Variants in LYPD6 observed in about 807,000 individuals in gnomAD.
LYPD6 encodes ly6/PLAUR domain-containing protein 6.
Under a neutral mutation model 22.7 loss-of-function variants are expected in LYPD6, and 15 were observed. That is an observed-to-expected ratio of 0.66 (90% confidence interval 0.44 to 1.02). The LOEUF (loss-of-function observed/expected upper bound fraction) is 1.02, where lower values mean the gene tolerates loss of function less well. Among genes scored for constraint, LYPD6 ranks in the 50% least tolerant of loss-of-function variants. LYPD6 has a pLI of 0.00. For missense variants in LYPD6, 189 were observed against 208.4 expected (o/e 0.91, Z 0.57); for synonymous variants, 72 against 77.5 (o/e 0.93, Z 0.37).
chr2:149,474,499 C>A (rs928453255), downstream of LYPD6, among the ~76,000 whole-genome samples: 1 of 152,274 alleles, frequency 6.6e-6, no homozygotes, highest in African/African-American at 2.4e-5. Context: ...TGAGCCACTG[C>A]ACCCAATCTC....
intron 1 of LYPD6, among the ~76,000 whole-genome samples, chr2:149,335,155 A>G (rs1417895322): frequency 2.6e-5 from 4 of 152,082 alleles, no homozygotes; most frequent in South Asian, 4.1e-4. Flanking sequence ...TTTAAAGTGA[A>G]CTGTAAACAG....
At chr2:149,394,184 C>T (rs1682375836) in intron 1 of LYPD6, among the ~76,000 whole-genome samples, 2 of 152,174 alleles carry the variant, frequency 1.3e-5, no homozygotes, top group African/African-American at 2.4e-5. Context: ...GCTGCACAGT[C>T]CTGTGGAGAA....
At chr2:149,451,139 C>G (rs1302272487) in intron 3 of LYPD6, among the ~76,000 whole-genome samples, 1 of 152,088 alleles carries the variant, frequency 6.6e-6, no homozygotes, top group East Asian at 1.9e-4. Flanking sequence ...GATCAAGGTG[C>G]CGGCAGGTTC....
chr2:149,435,321 G>T (rs921626240), intron 1 of LYPD6, among the ~76,000 whole-genome samples: 1 of 152,174 alleles, frequency 6.6e-6, no homozygotes, highest in Non-Finnish European at 1.5e-5. Flanking sequence ...TCTTAATTTT[G>T]TATTTTCCTC....
At chr2:149,424,262 T>A (rs533001069) in intron 1 of LYPD6, among the ~76,000 whole-genome samples, 67 of 152,288 alleles carry the variant, frequency 4.4e-4, no homozygotes, top group African/African-American at 1.4e-3. Context: ...AATCAGATGA[T>A]GTCCATAAAA....
At chr2:149,399,603 A>G (rs1012688701) in intron 1 of LYPD6, among the ~76,000 whole-genome samples, 2 of 151,944 alleles carry the variant, frequency 1.3e-5, no homozygotes, top group African/African-American at 4.8e-5. Context: ...GGAGTAAACT[A>G]TTGGCCCAGA....
At chr2:149,354,406 C>T (rs1464260483) in intron 1 of LYPD6, among the ~76,000 whole-genome samples, 1 of 152,112 alleles carries the variant, frequency 6.6e-6, no homozygotes, top group Non-Finnish European at 1.5e-5. Flanking sequence ...CGGGGTTTTA[C>T]CATGTTGGCC....
chr2:149,389,828 GA>G (rs760089766), intron 1 of LYPD6, among the ~76,000 whole-genome samples: 1 of 152,044 alleles, frequency 6.6e-6, no homozygotes, highest in Non-Finnish European at 1.5e-5. Flanking sequence ...GTTAGTTCAG[GA>G]CCCCAAGCCC....
intron 1 of LYPD6, among the ~76,000 whole-genome samples, chr2:149,375,705 CAG>C (rs1030804032): frequency 6.6e-6 from 1 of 152,094 alleles, no homozygotes; most frequent in African/African-American, 2.4e-5. Flanking sequence ...TATAAAGAGA[CAG>C]TGTTGTTATT....
chr2:149,372,186 T>G (rs1485961485), intron 1 of LYPD6, among the ~76,000 whole-genome samples: 6 of 152,252 alleles, frequency 3.9e-5, no homozygotes, highest in African/African-American at 1.4e-4. Flanking sequence ...CAGGTGAGGC[T>G]TTATCAGACT....
intron 4 of LYPD6, among the ~76,000 whole-genome samples, chr2:149,470,146 G>A (rs1681298045): frequency 6.6e-6 from 1 of 152,148 alleles, no homozygotes; most frequent in African/African-American, 2.4e-5. Context: ...GTAAGGTGGT[G>A]TAAAGCAGGA....
chr2:149,428,337 T>C (rs916010336), intron 1 of LYPD6, among the ~76,000 whole-genome samples: 1 of 152,194 alleles, frequency 6.6e-6, no homozygotes, highest in African/African-American at 2.4e-5. Flanking sequence ...ATTTATTGGA[T>C]GGATATTAAG....
intron 3 of LYPD6, among the ~76,000 whole-genome samples, chr2:149,459,741 A>C (rs577097054): frequency 2.6e-4 from 40 of 152,068 alleles, no homozygotes; most frequent in Non-Finnish European, 4.7e-4. Flanking sequence ...ATCTCTACTA[A>C]AAATACAAAA....
In LYPD6 at chr2:149,392,579, A is replaced by G. The variant is rs1011117126; in HGVS notation, c.-71-45059A>G. 7.2e-5 allele frequency among the ~76,000 whole-genome samples: 11 copies of G among 152,170 alleles called. No individual in the cohort carries two copies. The South Asian group carries it at 1.5e-3, about 20-fold the overall frequency. The stretch of plus-strand genomic sequence containing the variant: ...ACGGATGGGAGAGAGTGTTGTCCCC[A>G]TTGCCATAAGCAGAATGCAGACGTG... On this transcript the variant is annotated intron_variant, in intron 1 of 4. Coordinates refer to ENST00000334166, the MANE Select transcript of LYPD6 (RefSeq NM_194317.5).
At chr2:149,392,296 C>T (rs1377584556) in intron 1 of LYPD6, among the ~76,000 whole-genome samples, 1 of 152,202 alleles carries the variant, frequency 6.6e-6, no homozygotes, top group Non-Finnish European at 1.5e-5. Flanking sequence ...CCATTCAGTA[C>T]ATAGCATAAT....
At chr2:149,456,253 T>C (rs1193954583) in intron 3 of LYPD6, among the ~76,000 whole-genome samples, 1 of 152,230 alleles carries the variant, frequency 6.6e-6, no homozygotes, top group South Asian at 2.1e-4. Context: ...TTGGGCTCTT[T>C]TTTTCTTTCG....
At chr2:149,337,877 T>G (rs1284382556) in intron 1 of LYPD6, among the ~76,000 whole-genome samples, 1 of 152,218 alleles carries the variant, frequency 6.6e-6, no homozygotes, top group Non-Finnish European at 1.5e-5. Context: ...TATAAGAGCA[T>G]GTGGTATTAG....
chr2:149,359,956 G>A (rs1057508522), intron 1 of LYPD6, among the ~76,000 whole-genome samples: 4 of 152,086 alleles, frequency 2.6e-5, no homozygotes, highest in African/African-American at 9.7e-5. Flanking sequence ...CAGCGGCATG[G>A]GCTGCTCACC....
intron 1 of LYPD6, among the ~76,000 whole-genome samples, chr2:149,420,706 T>C (rs1449404322): frequency 1.3e-5 from 2 of 152,136 alleles, no homozygotes; most frequent in Non-Finnish European, 2.9e-5. Context: ...GCCTACTTCC[T>C]TTCCCCAAAG....
Sources: gnomAD v4.1 joint callset for allele counts (sites outside exome capture counted in the v4.1 genomes callset) on GRCh38, gnomAD v4.1.1 for gene constraint, MANE v1.5 for transcripts, NCBI Gene and HGNC (gene_info 2026-07-23, HGNC 2026-07-21) for gene names.